Variants in LTBP1 observed in about 807,000 individuals in gnomAD.
The protein encoded by LTBP1 is latent transforming growth factor beta binding protein 1.
Under a neutral mutation model 207.6 loss-of-function variants are expected in LTBP1, and 129 were observed. The ratio of observed to expected loss-of-function variants is 0.62; its 90% CI spans 0.54 to 0.72. The LOEUF (loss-of-function observed/expected upper bound fraction) is 0.72, where lower values mean the gene tolerates loss of function less well. Ranked by LOEUF, LTBP1 falls within the 30% of genes least tolerant of loss-of-function variation. The pLI, the probability that LTBP1 is intolerant of heterozygous loss-of-function variation, is 0.00. For synonymous variants in LTBP1, 963 were observed against 833.7 expected, an observed-to-expected ratio of 1.16 and a Z score of -2.67; for missense variants, 2,281 against 2,217.2, an observed-to-expected ratio of 1.03 and a Z score of -0.58.
At chr2:33,347,559 A>G in intron 26 of LTBP1, 49 bp downstream of exon 26, 7 of 1,607,636 alleles carry the variant, frequency 4.4e-6, no homozygotes, top group East Asian at 2.2e-5. Flanking sequence ...CCTCTCAAAG[A>G]CCTGCACCCA....
chr2:33,188,746 G>A lies in LTBP1; in HGVS notation c.1596G>A (p.Gln532=). Residue 532 remains glutamine, a synonymous_variant, in exon 7 of 34, where the codon CAG becomes CAA. Coordinates refer to ENST00000404816, the MANE Select transcript of LTBP1 (RefSeq NM_206943.4). ...AAGGGCTTCCTGTCCAGAAGACCCAGACCATACATTCCACATACTCCCACC... is the reference window on the plus strand; with the variant it reads ...AAGGGCTTCCTGTCCAGAAGACCCAAACCATACATTCCACATACTCCCACC... ...SYQGLPVQKT[Q]TIHSTYSHQQ... is the part of the protein sequence containing the mutation. 6.2e-7 allele frequency: 1 copy of A among 1,614,122 alleles called. No individual in the cohort carries two copies. The highest frequency in any genetic ancestry group is 8.5e-7 in the Non-Finnish European group (1 of 1,180,036).
chr2:33,021,148 A>T lies in LTBP1; in HGVS notation c.805A>T (p.Met269Leu), dbSNP rs750228815. ...ACCAAGAGTCAGCCCTGTGGCCCAG[A>T]TGACCTTAACCCTCAAGCCGAAGCC... The part of the protein sequence containing the change: ...TLPRVSPVAQ[M>L]TLTLKPKPSV... Residue 269 changes from methionine (M) to leucine (L), a missense_variant, in exon 3 of 34, where the codon ATG becomes TTG. Physicochemically the swap from Met to Leu is conservative, Grantham distance 15. Coordinates refer to ENST00000404816, the MANE Select transcript of LTBP1 (RefSeq NM_206943.4). The T allele has an allele frequency of 6.2e-7, 1 of 1,613,616 alleles. No homozygotes were observed. The highest frequency in any genetic ancestry group is 8.5e-7 in the Non-Finnish European group (1 of 1,179,732).
intron 3 of LTBP1, among the ~76,000 whole-genome samples, chr2:33,040,259 GA>G (rs1323859766): frequency 2.0e-5 from 3 of 152,178 alleles, no homozygotes; most frequent in Non-Finnish European, 4.4e-5. Flanking sequence ...TGTGAGTGTA[GA>G]CCCAGATGCT....
chr2:32,967,071 A>G (rs927370321), intron 2 of LTBP1, among the ~76,000 whole-genome samples: 4 of 152,102 alleles, frequency 2.6e-5, no homozygotes, highest in Non-Finnish European at 4.4e-5. Context: ...CTTTTAAGGA[A>G]TTGATCCATT....
At chr2:33,394,207 A>G (rs1558355687) in intron 32 of LTBP1, among the ~76,000 whole-genome samples, 1 of 152,068 alleles carries the variant, frequency 6.6e-6, no homozygotes, top group Non-Finnish European at 1.5e-5. Context: ...CTTTTGTCAG[A>G]TGGGTAGATT....
intron 3 of LTBP1, among the ~76,000 whole-genome samples, chr2:33,079,020 A>T (rs889416709): frequency 1.3e-5 from 2 of 151,830 alleles, no homozygotes; most frequent in African/African-American, 4.8e-5. Context: ...CACCACGCCC[A>T]GCTAATTTTT....
intron 3 of LTBP1, among the ~76,000 whole-genome samples, chr2:33,038,640 A>C (rs2076038026): frequency 6.6e-6 from 1 of 152,210 alleles, no homozygotes; most frequent in Non-Finnish European, 1.5e-5. Context: ...GTTTTGCCAG[A>C]ATTAGAGATC....
chr2:32,955,891 T>C (rs138740645), intron 2 of LTBP1, among the ~76,000 whole-genome samples: 2 of 152,312 alleles, frequency 1.3e-5, no homozygotes, highest in African/African-American at 4.8e-5. Flanking sequence ...CAGGGTTGTA[T>C]TTGCAAGCAT....
At chr2:33,092,211 A>G (rs1263490357) in intron 3 of LTBP1, among the ~76,000 whole-genome samples, 3 of 152,164 alleles carry the variant, frequency 2.0e-5, no homozygotes, top group Admixed American at 6.5e-5. Context: ...ACACACACAC[A>G]CACAGTTTGT....
chr2:33,022,808 A>G (rs1416001171), intron 3 of LTBP1, among the ~76,000 whole-genome samples: 1 of 152,236 alleles, frequency 6.6e-6, no homozygotes, highest in Non-Finnish European at 1.5e-5. Context: ...TGTATGAATT[A>G]ATGAGTGTGA....
intron 2 of LTBP1, among the ~76,000 whole-genome samples, chr2:32,998,984 C>T (rs1010545021): frequency 6.6e-6 from 1 of 152,252 alleles, no homozygotes; most frequent in African/African-American, 2.4e-5. Flanking sequence ...GGACCATCAG[C>T]ATCACCTGAG....
At chr2:33,181,344 A>T (rs558689633) in intron 5 of LTBP1, among the ~76,000 whole-genome samples, 1 of 152,370 alleles carries the variant, frequency 6.6e-6, no homozygotes, top group African/African-American at 2.4e-5. Context: ...GTGGCACAGA[A>T]TGTGAATATT....
intron 23 of LTBP1, among the ~76,000 whole-genome samples, chr2:33,310,866 C>T (rs568280444): frequency 6.6e-6 from 1 of 152,254 alleles, no homozygotes; most frequent in South Asian, 2.1e-4. Flanking sequence ...GGAAAATTCA[C>T]ACTTATTTTA....
At chr2:33,139,313 T>G (rs1017617669) in intron 5 of LTBP1, among the ~76,000 whole-genome samples, 13 of 152,216 alleles carry the variant, frequency 8.5e-5, no homozygotes, top group Non-Finnish European at 1.6e-4. Flanking sequence ...ACAATACCTC[T>G]GGCTCTCCCA....
chr2:33,308,689 A>C (rs1573754780), intron 22 of LTBP1, among the ~76,000 whole-genome samples: 1 of 152,308 alleles, frequency 6.6e-6, no homozygotes, highest in South Asian at 2.1e-4. Flanking sequence ...GTAATATTTT[A>C]TGTTTAATAA....
chr2:33,026,788 A>G (rs1471406599), intron 3 of LTBP1, among the ~76,000 whole-genome samples: 1 of 152,366 alleles, frequency 6.6e-6, no homozygotes, highest in South Asian at 2.1e-4. Flanking sequence ...ACTTAAAAAG[A>G]TGTTAAATTG....
intron 18 of LTBP1, among the ~76,000 whole-genome samples, chr2:33,276,522 C>T (rs548609870): frequency 2.0e-5 from 3 of 152,312 alleles, no homozygotes; most frequent in Admixed American, 6.5e-5. Context: ...TTTCTTTTCA[C>T]GTTTGTGTCC....
intron 24 of LTBP1, among the ~76,000 whole-genome samples, chr2:33,332,427 ATAGAAAATT>A (rs1489473257): frequency 3.3e-5 from 5 of 150,964 alleles, no homozygotes; most frequent in Non-Finnish European, 7.4e-5. Flanking sequence ...CACTCTCATT[ATAGAAAATT>A]TAGAAAATTC....
chr2:33,065,217 A>C (rs1317522918), intron 3 of LTBP1, among the ~76,000 whole-genome samples: 1 of 152,158 alleles, frequency 6.6e-6, no homozygotes, highest in East Asian at 1.9e-4. Flanking sequence ...GGTTAGTTAA[A>C]TCAATTAAGT....
Sources: gnomAD v4.1 joint callset for allele counts (sites outside exome capture counted in the v4.1 genomes callset) on GRCh38, gnomAD v4.1.1 for gene constraint, MANE v1.5 for transcripts, NCBI Gene and HGNC (gene_info 2026-07-23, HGNC 2026-07-21) for gene names.